The following PCDHGA11 variants were observed in gnomAD, a reference collection of about 807,000 sequenced individuals.
The protein encoded by PCDHGA11 is protocadherin gamma subfamily A, 11, also known as protocadherin gamma-A11.
Under a neutral mutation model 60.4 loss-of-function variants are expected in PCDHGA11, and 39 were observed. The observed-to-expected ratio is 0.65, with a 90% CI of 0.50 to 0.84. The LOEUF is 0.84. Among genes scored for constraint, PCDHGA11 ranks in the 40% least tolerant of loss-of-function variants. The pLI is 0.00. For missense variants in PCDHGA11, 1,165 were observed against 1,197.7 expected, an observed-to-expected ratio of 0.97 and a Z score of 0.40; for synonymous variants, 533 against 510.3, an observed-to-expected ratio of 1.04 and a Z score of -0.60.
Position 141,477,898 on chromosome 5 carries a change from A to G in PCDHGA11, c.2434-16909A>G. 1 of 1,614,158 alleles carries G rather than the reference A, an allele frequency of 6.2e-7. No homozygotes were observed. Among genetic ancestry groups the G allele is most frequent in the Middle Eastern group, 1.6e-4 (1 of 6,062 alleles). ...CTGGCCACCTAGTGTCACGGGTGGTAGGCTGGGACGCGGATGCAGGGCACA... is the reference window on the plus strand; with the variant it reads ...CTGGCCACCTAGTGTCACGGGTGGTGGGCTGGGACGCGGATGCAGGGCACA... On this transcript the variant is annotated intron_variant, in intron 1 of 3. Coordinates refer to ENST00000398587, the MANE Select transcript of PCDHGA11 (RefSeq NM_018914.3). This position sits in a 1 kb window ranked among gnomAD's most constrained non-coding sequence, Gnocchi z 4.9.
intron 1 of PCDHGA11, among the ~76,000 whole-genome samples, chr5:141,449,579 ACT>A (rs370512396): frequency 0.052 from 7,360 of 141,924 alleles, 400 homozygotes; most frequent in African/African-American, 0.14. Flanking sequence ...ACAGAGCAAG[ACT>A]CTGTCTCAAA....
At chr5:141,424,720 G>A (rs530298674) in intron 1 of PCDHGA11, 4 of 152,090 alleles carry the variant, frequency 2.6e-5, no homozygotes, top group Non-Finnish European at 4.4e-5. Flanking sequence ...GTGTAGTTGG[G>A]AGTCATAGAT....
intron 1 of PCDHGA11, chr5:141,475,984 G>T: frequency 1.9e-6 from 2 of 1,069,308 alleles, no homozygotes; most frequent in South Asian, 3.1e-5. Context: ...AACAGCCGGC[G>T]AGCAAATCAA....
In PCDHGA11 at chr5:141,421,522, A is replaced by G; in HGVS notation, c.295A>G (p.Thr99Ala). 1 of 1,614,068 alleles carries G rather than the reference A, an allele frequency of 6.2e-7. No homozygotes were observed. The highest frequency in any genetic ancestry group is 8.5e-7 in the Non-Finnish European group (1 of 1,179,910). ...GRIDREELCE[T>A]VSSCFLNMEL... Reference sequence around the variant, plus strand: ...GATAGACCGGGAGGAGCTCTGTGAGACGGTGTCCTCCTGTTTTTTAAATAT... The same window carrying G: ...GATAGACCGGGAGGAGCTCTGTGAGGCGGTGTCCTCCTGTTTTTTAAATAT... Residue 99 changes from threonine to alanine, a missense_variant, in exon 1 of 4, where the codon ACG becomes GCG. Transcript: ENST00000398587.
chr5:141,476,770 C>T lies in PCDHGA11; in HGVS notation c.2434-18037C>T, dbSNP rs1452363016. 6.2e-7 allele frequency: 1 copy of T among 1,613,568 alleles called. No homozygotes were observed. The highest frequency in any genetic ancestry group is 8.5e-7 in the Non-Finnish European group (1 of 1,180,020). ...TCCAGTTAGTGCTGACGGCGTTGGA[C>T]GGAGGGACCCCAGCTCTCTCCGCCA... On this transcript the variant is annotated intron_variant, in intron 1 of 3. Coordinates refer to ENST00000398587, the MANE Select transcript of PCDHGA11 (RefSeq NM_018914.3). This position sits in a 1 kb window ranked among gnomAD's most constrained non-coding sequence, Gnocchi z 7.6.
Position 141,432,647 on chromosome 5 carries a change from C to G in PCDHGA11, c.2433+8987C>G, listed in dbSNP as rs747789886. The G allele has an allele frequency of 1.7e-5, 28 of 1,613,678 alleles. No individual in the cohort carries two copies. In the Admixed American group the frequency reaches 4.5e-4, roughly 26 times the overall value. ...GCACACGGGCGAGGTGCGCACGGCG[C>G]GAGCCCTGCTGGACAGAGACGCGCT... On this transcript the variant is annotated intron_variant, in intron 1 of 3. Coordinates refer to ENST00000398587, the MANE Select transcript of PCDHGA11 (RefSeq NM_018914.3). This position sits in a 1 kb window ranked among gnomAD's most constrained non-coding sequence, Gnocchi z 6.0.
chr5:141,476,224 G>T lies in PCDHGA11; in HGVS notation c.2434-18583G>T. 6.2e-7 allele frequency: 1 copy of T among 1,614,062 alleles called. No individual in the cohort carries two copies. The highest frequency in any genetic ancestry group is 1.1e-5 in the South Asian group (1 of 91,072). ...AGGCTTCCACGGTCATTCACTATGA[G>T]ATCCCGGAGGAAAGAGAGAAGGGTT... On this transcript the variant is annotated intron_variant, in intron 1 of 3. Transcript: ENST00000398587. This position sits in a 1 kb window ranked among gnomAD's most constrained non-coding sequence, Gnocchi z 7.6.
intron 1 of PCDHGA11, among the ~76,000 whole-genome samples, chr5:141,456,206 T>C (rs966457070): frequency 6.6e-6 from 1 of 152,098 alleles, no homozygotes; most frequent in African/African-American, 2.4e-5. Context: ...ACCACATTCC[T>C]CCCTGTGGCG....
chr5:141,430,258 A>T (rs542653323), intron 1 of PCDHGA11, among the ~76,000 whole-genome samples: 1 of 147,968 alleles, frequency 6.8e-6, no homozygotes, highest in Non-Finnish European at 1.5e-5. Flanking sequence ...AGACATCTCC[A>T]TAATAGGTGT....
chr5:141,466,799 C>T (rs1049340129), intron 1 of PCDHGA11, among the ~76,000 whole-genome samples: 1 of 152,056 alleles, frequency 6.6e-6, no homozygotes, highest in African/African-American at 2.4e-5. Flanking sequence ...CAAACTAGAT[C>T]CTATTCAGAC....
Position 141,490,202 on chromosome 5 carries a change from G to A in PCDHGA11, c.2434-4605G>A, listed in dbSNP as rs1594889134. On this transcript the variant is annotated intron_variant, in intron 1 of 3. Coordinates refer to ENST00000398587, the MANE Select transcript of PCDHGA11 (RefSeq NM_018914.3). The surrounding 1 kb of genome is among the most constrained non-coding windows in gnomAD (Gnocchi z 5.4). ...TCACGTTTCTATGAAATTCATGCAA[G>A]AGCCCGTGACCAGGGACAGCCTGCC... 1.2e-6 allele frequency: 2 copies of A among 1,614,220 alleles called. No homozygotes were observed. The highest frequency in any genetic ancestry group is 2.7e-5 in the African/African-American group (2 of 75,060).
intron 1 of PCDHGA11, chr5:141,423,956 A>G: frequency 1.7e-6 from 2 of 1,182,724 alleles, no homozygotes; most frequent in Non-Finnish European, 2.1e-6. Flanking sequence ...TTTTAGTATT[A>G]TTTTTCTATT....
At position 141,477,115 on chromosome 5, in the gene PCDHGA11, A is replaced by G. The variant is rs1218111107; in HGVS notation, c.2434-17692A>G. ...AAGACAAGGGCGCCAATCCCGAAGG[A>G]GCACATTGCAAAGTGTTGGTGGAGG... On this transcript the variant is annotated intron_variant, in intron 1 of 3. Transcript: ENST00000398587. This position sits in a 1 kb window ranked among gnomAD's most constrained non-coding sequence, Gnocchi z 4.9. 1 of 1,614,230 alleles carries G rather than the reference A, an allele frequency of 6.2e-7. No homozygotes were observed. Among genetic ancestry groups the G allele is most frequent in the South Asian group, 1.1e-5 (1 of 91,090 alleles).
intron 2 of PCDHGA11, among the ~76,000 whole-genome samples, chr5:141,505,117 G>A (rs575627148): frequency 1.8e-4 from 27 of 152,226 alleles, no homozygotes; most frequent in African/African-American, 3.6e-4. Context: ...AGCCAAGATC[G>A]CGCCACTGCA....
intron 2 of PCDHGA11, among the ~76,000 whole-genome samples, chr5:141,504,960 T>C (rs9324851): frequency 0.59 from 89,328 of 151,916 alleles, 27,885 homozygotes; most frequent in African/African-American, 0.8. Context: ...TTCAATGCAT[T>C]GGACCAGCCT....
chr5:141,486,816 C>G lies in PCDHGA11; in HGVS notation c.2434-7991C>G. The G allele has an allele frequency of 6.2e-7, 1 of 1,614,252 alleles. No individual in the cohort carries two copies. Among genetic ancestry groups the G allele is most frequent in the East Asian group, 2.2e-5 (1 of 44,884 alleles). ...CGGGGCAACCCACCCCTTAGCAGCACTGTAACAGTTCGTCTATTTGTGCTG... is the reference window on the plus strand; with the variant it reads ...CGGGGCAACCCACCCCTTAGCAGCAGTGTAACAGTTCGTCTATTTGTGCTG... On this transcript the variant is annotated intron_variant, in intron 1 of 3. Coordinates refer to ENST00000398587, the MANE Select transcript of PCDHGA11 (RefSeq NM_018914.3). The surrounding 1 kb of genome is among the most constrained non-coding windows in gnomAD (Gnocchi z 5.0).
Position 141,431,474 on chromosome 5 carries a change from G to C in PCDHGA11, c.2433+7814G>C. On this transcript the variant is annotated intron_variant, in intron 1 of 3. Coordinates refer to ENST00000398587, the MANE Select transcript of PCDHGA11 (RefSeq NM_018914.3). The surrounding 1 kb of genome is among the most constrained non-coding windows in gnomAD (Gnocchi z 4.8). The stretch of plus-strand genomic sequence containing the variant: ...GATGGTTCTGGATGCGAACGACAAC[G>C]CACCAGCGTTTGCTCAGCCCGAGTA... 6.2e-7 allele frequency: 1 copy of C among 1,613,842 alleles called. No individual in the cohort carries two copies. The highest frequency in any genetic ancestry group is 8.5e-7 in the Non-Finnish European group (1 of 1,179,958).
At chr5:141,449,876 C>T (rs924666805) in intron 1 of PCDHGA11, among the ~76,000 whole-genome samples, 1 of 151,724 alleles carries the variant, frequency 6.6e-6, no homozygotes, top group African/African-American at 2.4e-5. Context: ...AATTTAACAT[C>T]AATGCAATAT....
chr5:141,482,530 C>CAAAAAAAAAAA (rs3074545), intron 1 of PCDHGA11, among the ~76,000 whole-genome samples: 21 of 76,546 alleles, frequency 2.7e-4, no homozygotes, highest in African/African-American at 4.8e-4. Context: ...GACAGACATG[C>CAAAAAAAAAAA]AAAAAAAAAA....
Sources: gnomAD v4.1 joint callset for allele counts (sites outside exome capture counted in the v4.1 genomes callset) on GRCh38, gnomAD v4.1.1 for gene constraint, Gnocchi (gnomAD v3.1) non-coding constraint, MANE v1.5 for transcripts, NCBI Gene and HGNC (gene_info 2026-07-23, HGNC 2026-07-21) for gene names.